The following MATN4 variants were observed in gnomAD, a reference collection of about 807,000 sequenced individuals.
MATN4 encodes the protein matrilin-4.
Under a neutral mutation model 54.6 loss-of-function variants are expected in MATN4, and 40 were observed. The observed-to-expected ratio is 0.73, with a 90% CI of 0.57 to 0.95. The LOEUF (loss-of-function observed/expected upper bound fraction) is 0.95, where lower values mean the gene tolerates loss of function less well. Among genes scored for constraint, MATN4 ranks in the 40% least tolerant of loss-of-function variants. MATN4 has a pLI of 0.00. For synonymous variants in MATN4, 351 were observed against 345.3 expected (o/e 1.02, Z -0.18); for missense variants, 810 against 819.1 (o/e 0.99, Z 0.13).
Position 45,304,181 on chromosome 20 carries a change from A to G in MATN4, c.643+47T>C, listed in dbSNP as rs775655221. On this transcript the variant is annotated intron_variant, in intron 3 of 9. Coordinates refer to ENST00000372756, the MANE Select transcript of MATN4 (RefSeq NM_001393530.1). ...ACTGTGGTGGGAAAGGAATCCAAGC[A>G]TTTGGATTGAGAGTTCGAGCTTCAC... 9 of 1,393,246 alleles carry G rather than the reference A, an allele frequency of 6.5e-6. No homozygotes were observed. In the East Asian group the frequency reaches 2.4e-4, roughly 37 times the overall value. 86.3% of individuals were successfully genotyped at this position (1,393,246 alleles called of 1,614,324 possible). A position where few individuals can be genotyped will look rare whatever the true frequency, so the allele number is the denominator to read the frequency against.
chr20:45,293,868 CACTTT>C (rs1985634043), intron 9 of MATN4, 35 bp downstream of exon 9: 1 of 1,608,302 alleles, frequency 6.2e-7, no homozygotes, highest in East Asian at 2.2e-5. Flanking sequence ...GAGGTCCCTT[CACTTT>C]CCCTCCAGCC....
In MATN4 at chr20:45,300,889, T is replaced by C. The variant is rs759860089; in HGVS notation, c.1010A>G (p.Asn337Ser). 3.1e-6 allele frequency: 5 copies of C among 1,612,610 alleles called. No homozygotes were observed. The Admixed American group carries it at 6.7e-5, about 21-fold the overall frequency. Residue 337 changes from asparagine (N) to serine (S), a missense_variant and splice_region_variant, in exon 6 of 10, where the codon AAC becomes AGC. By Grantham distance (46) the Asn-to-Ser change is conservative (BLOSUM62 1). Coordinates refer to ENST00000372756, the MANE Select transcript of MATN4 (RefSeq NM_001393530.1). ...ACACCCTCCCGCCCATCACTCACGG[T>C]TGCAGCTCTTGCCATCTGCCTGAAG... ...RQLQADGKSC[N>S]RCREGHVDLV... is the part of the protein sequence containing the mutation.
Position 45,298,548 on chromosome 20 carries a change from C to T in MATN4, c.1048G>A (p.Val350Ile), listed in dbSNP as rs748134091. ...GGACGCACGCTCTTGGAGCCATCAA[C>T]CAGCAGAACAAGGTCCACGTGGCCT... Reference protein sequence around the residue: ...REGHVDLVLLVDGSKSVRPQN... With the variant: ...REGHVDLVLLIDGSKSVRPQN... The change falls in exon 7 of 10, where the codon GTT (valine) becomes ATT (isoleucine). Residue 350 changes from valine to isoleucine, a missense_variant. Transcript: ENST00000372756. This position sits in a 1 kb window ranked among gnomAD's most constrained non-coding sequence, Gnocchi z 4.6. 5.0e-6 allele frequency: 8 copies of T among 1,588,230 alleles called. No homozygotes were observed. In the East Asian group the frequency reaches 1.6e-4, roughly 31 times the overall value.
rs761094178 is a variant in MATN4 at position 45,298,055 on chromosome 20, G to GC, written c.1441dup (p.Ala481GlyfsTer153). The GC allele has an allele frequency of 6.2e-7, 1 of 1,613,484 alleles. No individual in the cohort carries two copies. Among genetic ancestry groups the GC allele is most frequent in the Admixed American group, 1.7e-5 (1 of 59,992 alleles). ...CTCCACCGCCTTGCCCACGCCCACG[G>GC]CGTACATGACGATGCCTGCAAGGCC... On this transcript the variant is annotated frameshift_variant, in exon 8 of 10. Transcript: ENST00000372756. LOFTEE classifies it high-confidence loss of function. This position sits in a 1 kb window ranked among gnomAD's most constrained non-coding sequence, Gnocchi z 4.6.
chr20:45,307,599 G>A lies in MATN4; in HGVS notation c.-35+576C>T, dbSNP rs559733549. On this transcript the variant is annotated intron_variant, in intron 1 of 9. Coordinates refer to ENST00000372756, the MANE Select transcript of MATN4 (RefSeq NM_001393530.1). The stretch of plus-strand genomic sequence containing the variant: ...GATGCCTCTGGGCCCCTAAATCTTG[G>A]TTAAGGTTCCCCTCATCCCATTCTT... Among the ~76,000 whole-genome samples the A allele has an allele frequency of 9.2e-5, 14 of 152,260 alleles. No individual in the cohort carries two copies. In the South Asian group the frequency reaches 2.5e-3, roughly 27 times the overall value.
chr20:45,294,767 G>A (rs1985704164), intron 8 of MATN4, among the ~76,000 whole-genome samples: 1 of 152,182 alleles, frequency 6.6e-6, no homozygotes, highest in Non-Finnish European at 1.5e-5. Flanking sequence ...TGGCCTGTTA[G>A]GAACTGGGCC....
In MATN4 at chr20:45,298,302, C is replaced by T. The variant is rs1985992475; in HGVS notation, c.1294G>A (p.Val432Met). The T allele has an allele frequency of 6.2e-7, 1 of 1,613,430 alleles. No homozygotes were observed. Among genetic ancestry groups the T allele is most frequent in the Admixed American group, 1.7e-5 (1 of 60,004 alleles). The change falls in exon 7 of 10, where the codon GTG (valine) becomes ATG (methionine). Residue 432 changes from valine to methionine, a missense_variant. Coordinates refer to ENST00000372756, the MANE Select transcript of MATN4 (RefSeq NM_001393530.1). The surrounding 1 kb of genome is among the most constrained non-coding windows in gnomAD (Gnocchi z 4.6). ...TGCGCCTCGGAGAAGCTGTGCTCCA[C>T]CATGTGCCGCAACGCCAGCCCTGTC... ...TMTGLALRHMVEHSFSEAQGA... is the reference protein window; with the variant it reads ...TMTGLALRHMMEHSFSEAQGA...
chr20:45,293,787 G>T lies in MATN4; in HGVS notation c.1726C>A (p.Gln576Lys). Residue 576 changes from glutamine to lysine, a missense_variant, in exon 10 of 10, where the codon CAG (glutamine) becomes AAG (lysine). Gln to Lys is a moderately conservative substitution (Grantham distance 53). Transcript: ENST00000372756. ...LTARLEDLEN[Q>K]LANQK Reference sequence around the variant, plus strand: ...GGCCCTCACTTCTGGTTGGCCAGCTGGTTCTCCAGATCCTCCAGGCGCGCC... The same window carrying T: ...GGCCCTCACTTCTGGTTGGCCAGCTTGTTCTCCAGATCCTCCAGGCGCGCC... 1 of 1,610,102 alleles carries T rather than the reference G, an allele frequency of 6.2e-7. No homozygotes were observed. Among genetic ancestry groups the T allele is most frequent in the African/African-American group, 1.3e-5 (1 of 75,014 alleles).
At position 45,298,423 on chromosome 20, in the gene MATN4, G is replaced by A; in HGVS notation, c.1173C>T (p.Ser391=). ...CCAGAGGGAACTCGGTGCGCACGCG[G>A]CTCGAGAACTGCACCAGCCCCACCC... The part of the protein sequence containing the change: ...GTRVGLVQFS[S]RVRTEFPLGR... Residue 391 remains serine (S), a synonymous_variant, in exon 7 of 10, where the codon AGC becomes AGT. Coordinates refer to ENST00000372756, the MANE Select transcript of MATN4 (RefSeq NM_001393530.1). This position sits in a 1 kb window ranked among gnomAD's most constrained non-coding sequence, Gnocchi z 4.6. 1 of 1,613,256 alleles carries A rather than the reference G, an allele frequency of 6.2e-7. No homozygotes were observed. Among genetic ancestry groups the A allele is most frequent in the South Asian group, 1.1e-5 (1 of 91,028 alleles).
chr20:45,304,488 G>A lies in MATN4; in HGVS notation c.383C>T (p.Ala128Val). 1.3e-6 allele frequency: 2 copies of A among 1,579,226 alleles called. No homozygotes were observed. Among genetic ancestry groups the A allele is most frequent in the South Asian group, 2.2e-5 (2 of 89,592 alleles). ...QYAMNVAFSV[A>V]EGARPPEERV... ...CTCCTCTGGCGGTCGCGCGCCCTCG[G>A]CCACACTGAAGGCCACGTTCATGGC... The change falls in exon 3 of 10, where the codon GCC becomes GTC. Residue 128 changes from alanine (A) to valine (V), a missense_variant. Coordinates refer to ENST00000372756, the MANE Select transcript of MATN4 (RefSeq NM_001393530.1).
Position 45,305,636 on chromosome 20 carries a change from T to C in MATN4, c.-34-20A>G. On this transcript the variant is annotated intron_variant, in intron 1 of 9. Coordinates refer to ENST00000372756, the MANE Select transcript of MATN4 (RefSeq NM_001393530.1). Reference sequence around the variant, plus strand: ...CAGAGCCTGGAGGGAGGAAGGAAAATAGAAAAGCAACAGTATTTACAGAGC... The same window carrying C: ...CAGAGCCTGGAGGGAGGAAGGAAAACAGAAAAGCAACAGTATTTACAGAGC... 1 of 1,306,176 alleles carries C rather than the reference T, an allele frequency of 7.7e-7. No individual in the cohort carries two copies. The highest frequency in any genetic ancestry group is 1.3e-5 in the South Asian group (1 of 79,022). 80.9% of individuals were successfully genotyped at this position (1,306,176 alleles called of 1,614,324 possible).
In MATN4 at chr20:45,298,985, C is replaced by G. The variant is rs1600694222; in HGVS notation, c.1013-402G>C. On this transcript the variant is annotated intron_variant, in intron 6 of 9. Transcript: ENST00000372756. This position sits in a 1 kb window ranked among gnomAD's most constrained non-coding sequence, Gnocchi z 4.6. ...CCGACAGCTTACCATGTGGTAGGTACTGGGTGAAGTGCTTATATATATTCT... is the reference window on the plus strand; with the variant it reads ...CCGACAGCTTACCATGTGGTAGGTAGTGGGTGAAGTGCTTATATATATTCT... Among the ~76,000 whole-genome samples the G allele has an allele frequency of 6.6e-6, 1 of 152,272 alleles. No individual in the cohort carries two copies. Among genetic ancestry groups the G allele is most frequent in the South Asian group, 2.1e-4 (1 of 4,826 alleles).
At chr20:45,303,608 C>T (rs1439466285) in intron 3 of MATN4, 1 of 621,564 alleles carries the variant, frequency 1.6e-6, no homozygotes, top group African/African-American at 1.8e-5. Flanking sequence ...GCAGGCATCA[C>T]CCTCAAATGG....
chr20:45,301,060 G>A lies in MATN4; in HGVS notation c.889+42C>T. On this transcript the variant is annotated intron_variant, in intron 5 of 9. Coordinates refer to ENST00000372756, the MANE Select transcript of MATN4 (RefSeq NM_001393530.1). Reference sequence around the variant, plus strand: ...AGTCAGGATGGACCCCACCAGCTAAGATCTCTTACCCCTCCCACAAATGTA... The same window carrying A: ...AGTCAGGATGGACCCCACCAGCTAAAATCTCTTACCCCTCCCACAAATGTA... The A allele has an allele frequency of 2.5e-6, 4 of 1,614,070 alleles. No homozygotes were observed. The South Asian group carries it at 4.4e-5, about 18-fold the overall frequency.
intron 1 of MATN4, among the ~76,000 whole-genome samples, chr20:45,306,346 T>C (rs1298349259): frequency 6.6e-6 from 1 of 152,154 alleles, no homozygotes; most frequent in Non-Finnish European, 1.5e-5. Context: ...AAAAAGTGGC[T>C]GCGGCAGGAT....
intron 1 of MATN4, 68 bp downstream of exon 1, chr20:45,308,107 C>T: frequency 6.7e-7 from 1 of 1,485,048 alleles, no homozygotes; most frequent in Non-Finnish European, 9.4e-7. Context: ...CTAAAATACA[C>T]TCGCCTGACC....
At chr20:45,294,123 A>C in intron 8 of MATN4, 108 bp from the exon 9 acceptor site, 1 of 854,456 alleles carries the variant, frequency 1.2e-6, no homozygotes, top group Non-Finnish European at 1.8e-6. Context: ...TTGGATTTAG[A>C]GAGACCTGGG....
chr20:45,303,063 A>G (rs1986332468), intron 3 of MATN4, among the ~76,000 whole-genome samples: 2 of 143,798 alleles, frequency 1.4e-5, no homozygotes, highest in South Asian at 4.5e-4. Context: ...AGCTTGGGCA[A>G]TAGAGCCAGA....
chr20:45,305,801 G>GTTTTTTTTTTTTTTTTTTT, intron 1 of MATN4, among the ~76,000 whole-genome samples, 185 bp from the exon 2 acceptor site: 2 of 15,988 alleles, frequency 1.3e-4, no homozygotes, highest in African/African-American at 2.3e-4. Context: ...AAACACAAGA[G>GTTTTTTTTTTTTTTTTTTT]ATTCTTTTTT....
Sources: gnomAD v4.1 joint callset for allele counts (sites outside exome capture counted in the v4.1 genomes callset) on GRCh38, gnomAD v4.1.1 for gene constraint, Gnocchi (gnomAD v3.1) non-coding constraint, MANE v1.5 for transcripts, NCBI Gene and HGNC (gene_info 2026-07-23, HGNC 2026-07-21) for gene names.